The following RANBP17 variants were observed in gnomAD, a reference collection of about 807,000 sequenced individuals.
The protein encoded by RANBP17 is ran-binding protein 17.
In RANBP17, 158 loss-of-function variants were observed where a neutral mutation model predicts 141.2. The ratio of observed to expected loss-of-function variants is 1.12; its 90% CI spans 0.98 to 1.28. The LOEUF (loss-of-function observed/expected upper bound fraction) is 1.28. Ranked by LOEUF, RANBP17 falls within the 50% of genes most tolerant of loss-of-function variation. The pLI is 0.00. For synonymous variants in RANBP17, 430 were observed against 450.0 expected, an observed-to-expected ratio of 0.96 and a Z score of 0.56; for missense variants, 1,438 against 1,290.7, an observed-to-expected ratio of 1.11 and a Z score of -1.75.
rs554479079 is a variant in RANBP17 at position 171,230,122 on chromosome 5, C to G, written c.2422+8282C>G. Among the ~76,000 whole-genome samples the G allele has an allele frequency of 1.0e-3, 159 of 152,174 alleles. 1 individual carries two copies. Among genetic ancestry groups the G allele is most frequent in the African/African-American group, 3.7e-3 (152 of 41,532 alleles). On this transcript the variant is annotated intron_variant, in intron 22 of 27. Coordinates refer to ENST00000523189, the MANE Select transcript of RANBP17 (RefSeq NM_022897.5). ...CTTCCCTTAAGGAACTTAAGTCCAGCAGGGGAGTCGGACAAATCAAGAAAG... is the reference window on the plus strand; with the variant it reads ...CTTCCCTTAAGGAACTTAAGTCCAGGAGGGGAGTCGGACAAATCAAGAAAG...
chr5:171,036,213 T>C (rs140183167), intron 14 of RANBP17, among the ~76,000 whole-genome samples: 59 of 152,270 alleles, frequency 3.9e-4, no homozygotes, highest in African/African-American at 1.2e-3. Flanking sequence ...CCCCAGTGTC[T>C]CTTGTTGCTG....
intron 14 of RANBP17, among the ~76,000 whole-genome samples, chr5:171,097,631 T>G (rs1031582293): frequency 6.8e-6 from 1 of 147,614 alleles, no homozygotes; most frequent in African/African-American, 2.5e-5. Context: ...TTATTATTAT[T>G]ATTATTATTA....
chr5:171,007,176 G>C (rs1779697141), intron 14 of RANBP17, among the ~76,000 whole-genome samples: 1 of 152,144 alleles, frequency 6.6e-6, no homozygotes, highest in African/African-American at 2.4e-5. Flanking sequence ...CAGAATTCCT[G>C]TGTATATTTA....
chr5:170,902,387 T>G (rs900292015), intron 5 of RANBP17, among the ~76,000 whole-genome samples: 20 of 152,212 alleles, frequency 1.3e-4, no homozygotes, highest in African/African-American at 4.6e-4. Context: ...ATTTATGTTC[T>G]TCTCTAAACT....
In RANBP17 at chr5:170,919,440, G is replaced by A; in HGVS notation, c.1102-1G>A. The A allele has an allele frequency of 6.4e-7, 1 of 1,555,524 alleles. No homozygotes were observed. Among genetic ancestry groups the A allele is most frequent in the South Asian group, 1.2e-5 (1 of 81,152 alleles). On this transcript the variant is annotated splice_acceptor_variant, in intron 10 of 27. Coordinates refer to ENST00000523189, the MANE Select transcript of RANBP17 (RefSeq NM_022897.5). LOFTEE classifies it high-confidence loss of function. ...ATAACTTCTGCTTTATTTCTTTGTAGCACTGGGAATTTGCTCCTAACAGTG... is the reference window on the plus strand; with the variant it reads ...ATAACTTCTGCTTTATTTCTTTGTAACACTGGGAATTTGCTCCTAACAGTG...
intron 12 of RANBP17, among the ~76,000 whole-genome samples, chr5:170,935,637 C>G (rs954797942): frequency 1.3e-5 from 2 of 152,004 alleles, no homozygotes; most frequent in African/African-American, 4.8e-5. Flanking sequence ...ATGTTGCTGC[C>G]TAATCCTTCC....
At chr5:171,166,871 C>T (rs756461009) in intron 14 of RANBP17, among the ~76,000 whole-genome samples, 1 of 152,140 alleles carries the variant, frequency 6.6e-6, no homozygotes, top group South Asian at 2.1e-4. Context: ...TCTTAATGAG[C>T]TTTTCAATTT....
At chr5:171,274,145 TGTGTGC>T (rs879827891) in intron 25 of RANBP17, among the ~76,000 whole-genome samples, 4,641 of 129,514 alleles carry the variant, frequency 0.036, 76 homozygotes, top group Non-Finnish European at 0.04. Flanking sequence ...TGTGTGTGTG[TGTGTGC>T]GCGCGCGCGC....
intron 26 of RANBP17, among the ~76,000 whole-genome samples, chr5:171,294,723 C>T (rs187525238): frequency 2.0e-5 from 3 of 152,222 alleles, no homozygotes; most frequent in Non-Finnish European, 4.4e-5. Context: ...TAGCCACATT[C>T]AGTAGCACTG....
rs1769003336 is a variant in RANBP17 at position 171,299,182 on chromosome 5, G to A, written c.*324G>A. 3.5e-6 allele frequency: 1 copy of A among 282,298 alleles called. No individual in the cohort carries two copies. Among genetic ancestry groups the A allele is most frequent in the Non-Finnish European group, 6.8e-6 (1 of 147,680 alleles). 17.5% of individuals were successfully genotyped at this position (282,298 alleles called of 1,614,324 possible). The stretch of plus-strand genomic sequence containing the variant: ...TAATAAACCAGGTTTGCACCTAAGT[G>A]TGTACTAGTTTATGGTTCTGCAGTC... On this transcript the variant is annotated 3_prime_UTR_variant, in exon 28 of 28. Transcript: ENST00000523189.
chr5:171,152,695 T>C lies in RANBP17; in HGVS notation c.1711-17435T>C, dbSNP rs140353009. 1.8e-3 allele frequency among the ~76,000 whole-genome samples: 268 copies of C among 152,294 alleles called. 1 individual carries two copies. The highest frequency in any genetic ancestry group is 5.7e-3 in the African/African-American group (236 of 41,560). ...TGGATCATACTGTTCTCTTCCTCCTTCTGCCCACACTCATACAAACTCATA... is the reference window on the plus strand; with the variant it reads ...TGGATCATACTGTTCTCTTCCTCCTCCTGCCCACACTCATACAAACTCATA... On this transcript the variant is annotated intron_variant, in intron 14 of 27. Coordinates refer to ENST00000523189, the MANE Select transcript of RANBP17 (RefSeq NM_022897.5).
At chr5:170,977,364 T>C (rs1777455476) in intron 14 of RANBP17, among the ~76,000 whole-genome samples, 1 of 151,968 alleles carries the variant, frequency 6.6e-6, no homozygotes, top group Non-Finnish European at 1.5e-5. Context: ...AGTGAGAATG[T>C]GGAGAAATAG....
At chr5:171,243,766 C>T (rs1272349284) in intron 24 of RANBP17, among the ~76,000 whole-genome samples, 1 of 152,108 alleles carries the variant, frequency 6.6e-6, no homozygotes, top group Non-Finnish European at 1.5e-5. Context: ...TCTGTGATAC[C>T]TAATATTCTA....
intron 27 of RANBP17, among the ~76,000 whole-genome samples, chr5:171,296,694 C>T (rs1034607458): frequency 1.3e-5 from 2 of 152,206 alleles, no homozygotes; most frequent in Non-Finnish European, 2.9e-5. Flanking sequence ...GGGTGGATCA[C>T]CTGAGGTCAG....
intron 25 of RANBP17, chr5:171,271,049 TTTTCTCC>T (rs1767068760): frequency 6.1e-6 from 1 of 164,526 alleles, no homozygotes; most frequent in Non-Finnish European, 1.3e-5. Context: ...CTTTTCTCCC[TTTTCTCC>T]CTCCTTTTTA....
At chr5:171,277,665 A>ATATATATATATATATATATT (rs1561823588) in intron 25 of RANBP17, among the ~76,000 whole-genome samples, 2 of 135,160 alleles carry the variant, frequency 1.5e-5, no homozygotes, top group African/African-American at 2.8e-5. Context: ...ATATATATAT[A>ATATATATATATATATATATT]TATTTATGTC....
intron 14 of RANBP17, among the ~76,000 whole-genome samples, chr5:171,038,945 G>A (rs1282344693): frequency 6.6e-6 from 1 of 151,878 alleles, no homozygotes. Context: ...TCTTTGCCAG[G>A]ATGTACCACA....
At chr5:171,213,504 T>C (rs958639897) in intron 20 of RANBP17, 127 bp from the exon 21 acceptor site, 6 of 676,136 alleles carry the variant, frequency 8.9e-6, no homozygotes, top group Non-Finnish European at 7.8e-6. Context: ...AGTATAGACA[T>C]AGAACAAATT....
chr5:170,865,488 C>A (rs1767173008), intron 1 of RANBP17, among the ~76,000 whole-genome samples: 1 of 152,156 alleles, frequency 6.6e-6, no homozygotes, highest in Non-Finnish European at 1.5e-5. Flanking sequence ...CAAATCGAAC[C>A]ATGACATTTC....
Sources: gnomAD v4.1 joint callset for allele counts (sites outside exome capture counted in the v4.1 genomes callset) on GRCh38, gnomAD v4.1.1 for gene constraint, MANE v1.5 for transcripts, NCBI Gene and HGNC (gene_info 2026-07-23, HGNC 2026-07-21) for gene names.